Variants in RTL4 observed in about 807,000 individuals in gnomAD.
RTL4 encodes the protein retrotransposon Gag-like protein 4.
Under a neutral mutation model 5.3 loss-of-function variants are expected in RTL4, and 4 were observed. The ratio of observed to expected loss-of-function variants is 0.75; its 90% CI spans 0.37 to 1.72. The LOEUF is 1.72. RTL4 is among the 40% of genes most tolerant of loss of function. The pLI is 0.04. For synonymous variants in RTL4, 98 were observed against 87.3 expected, an observed-to-expected ratio of 1.12 and a Z score of -0.68; for missense variants, 260 against 227.1, an observed-to-expected ratio of 1.14 and a Z score of -0.93.
chrX:112,176,163 A>G, the RTL4 span, among the ~76,000 whole-genome samples: 1 of 111,784 alleles, frequency 8.9e-6, no homozygotes, highest in Non-Finnish European at 1.9e-5. Context: ...AATCCAACTT[A>G]CAAGGGATGT....
the RTL4 span, among the ~76,000 whole-genome samples, chrX:112,207,202 G>A: frequency 9.0e-6 from 1 of 111,593 alleles, no homozygotes; most frequent in East Asian, 2.8e-4. Flanking sequence ...AACTCATTTA[G>A]TGGGTGCAGG....
chrX:112,175,512 G>A, the RTL4 span, among the ~76,000 whole-genome samples: 2 of 109,060 alleles, frequency 1.8e-5, no homozygotes, highest in Non-Finnish European at 3.8e-5. Context: ...GTCAGGTAGT[G>A]TGATGCCTCC....
chrX:112,323,211 C>A, the RTL4 span, among the ~76,000 whole-genome samples: 2 of 111,365 alleles, frequency 1.8e-5, no homozygotes, highest in African/African-American at 6.5e-5. Flanking sequence ...ATTGTGTTAC[C>A]TCATTTTAAC....
the RTL4 span, among the ~76,000 whole-genome samples, chrX:112,257,208 C>CT: frequency 9.0e-5 from 10 of 110,791 alleles, no homozygotes; most frequent in South Asian, 3.8e-4. Flanking sequence ...TTATCAAAAG[C>CT]TTTTTTTACA....
chrX:112,214,817 C>T, the RTL4 span, among the ~76,000 whole-genome samples: 1 of 109,940 alleles, frequency 9.1e-6, no homozygotes, highest in East Asian at 2.8e-4. Flanking sequence ...GAGACGGAGT[C>T]TCTCTCTGTT....
chrX:112,127,048 C>T, the RTL4 span, among the ~76,000 whole-genome samples: 7 of 111,519 alleles, frequency 6.3e-5, no homozygotes, highest in East Asian at 2.8e-4. Flanking sequence ...AGAGGAGGAG[C>T]GAACACTTTT....
At chrX:112,306,441 G>A in the RTL4 span, among the ~76,000 whole-genome samples, 3 of 111,355 alleles carry the variant, frequency 2.7e-5, no homozygotes, top group African/African-American at 9.8e-5. Context: ...CTGTAAGAAA[G>A]GTCAATTCTA....
At chrX:112,207,540 C>T in the RTL4 span, among the ~76,000 whole-genome samples, 1 of 111,474 alleles carries the variant, frequency 9.0e-6, no homozygotes, top group African/African-American at 3.3e-5. Flanking sequence ...CTTTCTTTGA[C>T]ATGCCAGTTT....
At chrX:112,173,744 A>G in the RTL4 span, among the ~76,000 whole-genome samples, 1 of 110,219 alleles carries the variant, frequency 9.1e-6, no homozygotes, top group African/African-American at 3.3e-5. Context: ...CCTAGGAGTG[A>G]GAAAGGATTG....
the RTL4 span, among the ~76,000 whole-genome samples, chrX:112,104,665 T>C: frequency 1.8e-5 from 2 of 112,140 alleles, no homozygotes; most frequent in African/African-American, 6.5e-5. Context: ...TGAGCATTTT[T>C]TCATGTACTT....
At chrX:112,197,920 C>T in the RTL4 span, among the ~76,000 whole-genome samples, 35 of 111,792 alleles carry the variant, frequency 3.1e-4, no homozygotes, top group African/African-American at 1.0e-3. Context: ...TTTCTGTAGA[C>T]GTCATTTTTA....
At chrX:112,220,492 C>T in the RTL4 span, among the ~76,000 whole-genome samples, 1 of 112,683 alleles carries the variant, frequency 8.9e-6, no homozygotes, top group Non-Finnish European at 1.9e-5. Context: ...CTCTGACATG[C>T]CCCGGAGACA....
the RTL4 span, among the ~76,000 whole-genome samples, chrX:112,369,358 T>G: frequency 9.0e-6 from 1 of 111,635 alleles, no homozygotes; most frequent in Non-Finnish European, 1.9e-5. Context: ...TCTCTCACCC[T>G]CAGGCTTGGA....
chrX:112,094,837 C>T, the RTL4 span, among the ~76,000 whole-genome samples: 1 of 111,188 alleles, frequency 9.0e-6, no homozygotes, highest in Admixed American at 9.6e-5. Flanking sequence ...GATTGATTCC[C>T]TGATTTTAGT....
chrX:112,452,472 T>G (rs966561812), upstream of RTL4, among the ~76,000 whole-genome samples: 1 of 109,105 alleles, frequency 9.2e-6, no homozygotes, highest in Non-Finnish European at 1.9e-5. Context: ...GGAATGGCAG[T>G]AATGAACTCA....
the RTL4 span, among the ~76,000 whole-genome samples, chrX:112,106,035 T>C: frequency 8.9e-6 from 1 of 112,048 alleles, no homozygotes; most frequent in Non-Finnish European, 1.9e-5. Flanking sequence ...GTTAACTTTG[T>C]TGTGTTGAAG....
At chrX:112,163,372 G>A in the RTL4 span, among the ~76,000 whole-genome samples, 1 of 111,433 alleles carries the variant, frequency 9.0e-6, no homozygotes, top group Non-Finnish European at 1.9e-5. Context: ...TTATTGCTTG[G>A]CCTAGAGTTC....
chrX:112,278,608 T>C, the RTL4 span, among the ~76,000 whole-genome samples: 1 of 111,722 alleles, frequency 9.0e-6, no homozygotes, highest in Admixed American at 9.5e-5. Context: ...CCAGGACATA[T>C]GACTATACTA....
chrX:112,242,452 G>T, the RTL4 span, among the ~76,000 whole-genome samples: 3 of 111,313 alleles, frequency 2.7e-5, no homozygotes, highest in Non-Finnish European at 5.6e-5. Flanking sequence ...TATTCCCTTT[G>T]TAGCAATTGT....
Sources: gnomAD v4.1 joint callset for allele counts (sites outside exome capture counted in the v4.1 genomes callset) on GRCh38, gnomAD v4.1.1 for gene constraint, MANE v1.5 for transcripts, NCBI Gene and HGNC (gene_info 2026-07-23, HGNC 2026-07-21) for gene names.